The following DACH2 variants were observed in gnomAD, a reference collection of about 807,000 sequenced individuals.
DACH2 encodes dachshund homolog 2.
DACH2 carries 17 observed loss-of-function variants against 35.8 expected under a neutral mutation model. The observed-to-expected ratio is 0.48, with a 90% confidence interval of 0.33 to 0.71. DACH2 has a LOEUF of 0.71. Ranked by LOEUF, DACH2 falls within the 30% of genes least tolerant of loss-of-function variation. The pLI is 0.02. For synonymous variants in DACH2, 195 were observed against 177.3 expected, an observed-to-expected ratio of 1.10 and a Z score of -0.79; for missense variants, 469 against 472.7, an observed-to-expected ratio of 0.99 and a Z score of 0.07.
At chrX:86,176,104 T>A (rs1254571035) in intron 1 of DACH2, among the ~76,000 whole-genome samples, 2 of 107,630 alleles carry the variant, frequency 1.9e-5, no homozygotes, top group East Asian at 5.6e-4. Context: ...CTAAGCAGTA[T>A]GAGTATAACA....
At chrX:86,825,848 T>C (rs758735784) in intron 11 of DACH2, among the ~76,000 whole-genome samples, 1 of 111,982 alleles carries the variant, frequency 8.9e-6, no homozygotes, top group South Asian at 3.7e-4. Context: ...TAGTCAGAAT[T>C]TCTCAGTTAC....
At chrX:86,151,935 G>C (rs1490676376) in intron 1 of DACH2, among the ~76,000 whole-genome samples, 1 of 110,798 alleles carries the variant, frequency 9.0e-6, no homozygotes, top group African/African-American at 3.3e-5. Flanking sequence ...GTGAAAGATG[G>C]AACAGAAGAG....
chrX:86,679,561 G>A (rs777986433), intron 4 of DACH2, among the ~76,000 whole-genome samples: 12 of 107,484 alleles, frequency 1.1e-4, no homozygotes, highest in South Asian at 4.2e-4. Flanking sequence ...TACAGACTTC[G>A]CTTTCAGTGC....
At chrX:86,812,094 A>G (rs1331713768) in intron 7 of DACH2, among the ~76,000 whole-genome samples, 7 of 112,110 alleles carry the variant, frequency 6.2e-5, no homozygotes, top group African/African-American at 1.9e-4. Context: ...GCAAGCTAGT[A>G]TATTCATGAA....
chrX:86,721,290 G>A lies in DACH2; in HGVS notation c.1104+6570G>A, dbSNP rs891058967. Among the ~76,000 whole-genome samples the A allele has an allele frequency of 2.7e-5, 3 of 112,174 alleles. No individual in the cohort carries two copies. In the South Asian group the frequency reaches 1.1e-3, roughly 41 times the overall value. On this transcript the variant is annotated intron_variant, in intron 6 of 11. Coordinates refer to ENST00000373125, the MANE Select transcript of DACH2 (RefSeq NM_053281.3). ...ATCATCAGGCTTCAAAATTTCCAAAGTTTTGTGGTCTGCTTCCTCTTGAAT... is the reference window on the plus strand; with the variant it reads ...ATCATCAGGCTTCAAAATTTCCAAAATTTTGTGGTCTGCTTCCTCTTGAAT...
At chrX:86,249,183 A>C (rs2033349578) in intron 1 of DACH2, among the ~76,000 whole-genome samples, 1 of 111,550 alleles carries the variant, frequency 9.0e-6, no homozygotes, top group Non-Finnish European at 1.9e-5. Flanking sequence ...AGCAATTTCA[A>C]CAAACAAAAA....
At chrX:86,198,804 A>G (rs1044533597) in intron 1 of DACH2, among the ~76,000 whole-genome samples, 2 of 111,131 alleles carry the variant, frequency 1.8e-5, no homozygotes, top group East Asian at 5.7e-4. Flanking sequence ...GCCCAGGATC[A>G]GACAGAATCA....
intron 2 of DACH2, among the ~76,000 whole-genome samples, chrX:86,420,952 G>T (rs986991595): frequency 2.7e-5 from 3 of 110,587 alleles, no homozygotes; most frequent in Non-Finnish European, 3.8e-5. Flanking sequence ...AATAAATCAA[G>T]CCCAAAGAAA....
chrX:86,680,796 C>T lies in DACH2; in HGVS notation c.773-14225C>T, dbSNP rs189509575. ...AGTACCTGAGACTACAGATGCATACCACATGGCTGGCTATTTTTTTAATTG... is the reference window on the plus strand; with the variant it reads ...AGTACCTGAGACTACAGATGCATACTACATGGCTGGCTATTTTTTTAATTG... On this transcript the variant is annotated intron_variant, in intron 4 of 11. Transcript: ENST00000373125. 4.6e-3 allele frequency among the ~76,000 whole-genome samples: 497 copies of T among 108,635 alleles called. 5 individuals carry two copies. The highest frequency in any genetic ancestry group is 0.016 in the African/African-American group (473 of 29,791). The allele number at this position is 108,635 out of a possible 115,157, so 94.3% of individuals were successfully genotyped here.
At chrX:86,188,619 A>C (rs1163921528) in intron 1 of DACH2, among the ~76,000 whole-genome samples, 1 of 112,026 alleles carries the variant, frequency 8.9e-6, no homozygotes, top group Non-Finnish European at 1.9e-5. Context: ...CAATATGATC[A>C]AAAGGGGCCT....
chrX:86,556,785 TATATATATATAGAGAGAGAGAG>T (rs1281990836), intron 3 of DACH2, among the ~76,000 whole-genome samples: 1 of 47,221 alleles, frequency 2.1e-5, no homozygotes, highest in Non-Finnish European at 3.7e-5. Flanking sequence ...TATATATATA[TATATATATATAGAGAGAGAGAG>T]AGAGAGAGAG....
At chrX:86,182,787 A>G (rs1212439261) in intron 1 of DACH2, among the ~76,000 whole-genome samples, 3 of 76,648 alleles carry the variant, frequency 3.9e-5, no homozygotes, top group Admixed American at 1.6e-4. Flanking sequence ...TTTTCACGAT[A>G]TTGATACTTT....
intron 2 of DACH2, among the ~76,000 whole-genome samples, chrX:86,465,340 G>C (rs972252086): frequency 8.9e-6 from 1 of 111,857 alleles, no homozygotes; most frequent in Non-Finnish European, 1.9e-5. Flanking sequence ...TCATTGAAAG[G>C]AGCCTGATGT....
intron 3 of DACH2, among the ~76,000 whole-genome samples, chrX:86,646,051 T>C (rs1012544664): frequency 4.5e-5 from 5 of 111,107 alleles, no homozygotes; most frequent in African/African-American, 1.6e-4. Flanking sequence ...AAGCCTGAAA[T>C]AAAAAGTTTA....
chrX:86,360,398 A>G (rs919218476), intron 1 of DACH2, among the ~76,000 whole-genome samples: 3 of 111,823 alleles, frequency 2.7e-5, no homozygotes, highest in Non-Finnish European at 5.6e-5. Context: ...GGTAACATAT[A>G]CACATATACA....
intron 2 of DACH2, among the ~76,000 whole-genome samples, chrX:86,399,118 C>A (rs1214459115): frequency 4.5e-5 from 5 of 111,833 alleles, no homozygotes; most frequent in African/African-American, 1.6e-4. Flanking sequence ...TTGAATTAAT[C>A]CCTGTACCAT....
intron 3 of DACH2, among the ~76,000 whole-genome samples, chrX:86,519,399 C>A (rs2038519309): frequency 8.9e-6 from 1 of 111,902 alleles, no homozygotes; most frequent in Admixed American, 9.5e-5. Context: ...TCAAGATGAT[C>A]ATGGCCTCAT....
chrX:86,773,411 G>A (rs747996081), intron 7 of DACH2, among the ~76,000 whole-genome samples: 1 of 111,822 alleles, frequency 8.9e-6, no homozygotes, highest in East Asian at 2.8e-4. Flanking sequence ...AATTCTGACA[G>A]AATGAAGTGT....
At chrX:86,477,357 T>C (rs2037860983) in intron 2 of DACH2, among the ~76,000 whole-genome samples, 1 of 102,158 alleles carries the variant, frequency 9.8e-6, no homozygotes. Flanking sequence ...TATATATATA[T>C]ATATATATAT....
Sources: gnomAD v4.1 joint callset for allele counts (sites outside exome capture counted in the v4.1 genomes callset) on GRCh38, gnomAD v4.1.1 for gene constraint, MANE v1.5 for transcripts, NCBI Gene and HGNC (gene_info 2026-07-23, HGNC 2026-07-21) for gene names.